The following LHX2 variants were observed in gnomAD, a reference collection of about 807,000 sequenced individuals.
The protein encoded by LHX2 is LIM/homeobox protein Lhx2.
In LHX2, 6 loss-of-function variants were observed where a neutral mutation model predicts 33.0. The ratio of observed to expected loss-of-function variants is 0.18; its 90% CI spans 0.10 to 0.36. LHX2 has a LOEUF of 0.36. Among genes scored for constraint, LHX2 ranks in the 10% least tolerant of loss-of-function variants. The probability of loss-of-function intolerance (pLI) is 1.00; values close to 1 mark genes in which losing one functional copy is unlikely to be tolerated. For synonymous variants in LHX2, 292 were observed against 253.1 expected, an observed-to-expected ratio of 1.15 and a Z score of -1.46; for missense variants, 442 against 586.2, an observed-to-expected ratio of 0.75 and a Z score of 2.54.
In LHX2 at chr9:124,032,602, C is replaced by A; in HGVS notation, c.1116C>A (p.Ser372Arg). 6.2e-7 allele frequency: 1 copy of A among 1,614,178 alleles called. No homozygotes were observed. The highest frequency in any genetic ancestry group is 8.5e-7 in the Non-Finnish European group (1 of 1,180,024). Residue 372 changes from serine (S) to arginine (R), a missense_variant, in exon 5 of 5, where the codon AGC becomes AGA. Ser to Arg is a moderately radical substitution (Grantham distance 110, BLOSUM62 -1). This residue lies in a region of LHX2 where 109 missense variants were observed against 98.7 expected (regional missense o/e 1.10). Coordinates refer to ENST00000373615, the MANE Select transcript of LHX2 (RefSeq NM_004789.4). The surrounding 1 kb of genome is among the most constrained non-coding windows in gnomAD (Gnocchi z 4.1). Reference sequence around the variant, plus strand: ...CCACCACCCTGACAGACTTGACTAGCCCCACCCTGCCAACTGTGACGTCCG... The same window carrying A: ...CCACCACCCTGACAGACTTGACTAGACCCACCCTGCCAACTGTGACGTCCG... ...STPTTLTDLT[S>R]PTLPTVTSVL... is the part of the protein sequence containing the mutation.
Position 124,015,391 on chromosome 9 carries a change from G to A in LHX2, c.593G>A (p.Ser198Asn). 1 of 1,609,036 alleles carries A rather than the reference G, an allele frequency of 6.2e-7. No homozygotes were observed. The highest frequency in any genetic ancestry group is 8.5e-7 in the Non-Finnish European group (1 of 1,177,326). Residue 198 changes from serine to asparagine, a missense_variant, in exon 3 of 5, where the codon AGC (serine) becomes AAC (asparagine). This residue lies in a region of LHX2 where 132 missense variants were observed against 139.1 expected (regional missense o/e 0.95). Transcript: ENST00000373615. This position sits in a 1 kb window ranked among gnomAD's most constrained non-coding sequence, Gnocchi z 7.9. ...GCCGCTGCAGCCGCGGCGGCCAAGA[G>A]CGCGGGGCTGGGCGCAGCAGGGGCC... is the stretch of plus-strand genomic sequence containing the variant. ...AAAAAAAAAK[S>N]AGLGAAGANP...
chr9:124,016,034 C>A lies in LHX2; in HGVS notation c.727+509C>A, dbSNP rs1160422153. 6.6e-6 allele frequency among the ~76,000 whole-genome samples: 1 copy of A among 151,208 alleles called. No homozygotes were observed. The highest frequency in any genetic ancestry group is 1.9e-4 in the East Asian group (1 of 5,192). ...CCAAGGGCGGCAGGCTTGGGGAACT[C>A]GGGCTTGGGGAACTCAGGAAAGCAA... On this transcript the variant is annotated intron_variant, in intron 3 of 4. Transcript: ENST00000373615. The surrounding 1 kb of genome is among the most constrained non-coding windows in gnomAD (Gnocchi z 4.4).
At position 124,012,789 on chromosome 9, in the gene LHX2, G is replaced by T. The variant is rs1304328666; in HGVS notation, c.120+321G>T. ...GCCCGGTGCCGGGGTCGACAGCCCCGCGCTCTCCTCCACCTCTCGGCTCCG... is the reference window on the plus strand; with the variant it reads ...GCCCGGTGCCGGGGTCGACAGCCCCTCGCTCTCCTCCACCTCTCGGCTCCG... On this transcript the variant is annotated intron_variant, in intron 1 of 4. Transcript: ENST00000373615. This position sits in a 1 kb window ranked among gnomAD's most constrained non-coding sequence, Gnocchi z 4.3. 6.6e-6 allele frequency among the ~76,000 whole-genome samples: 1 copy of T among 152,204 alleles called. No individual in the cohort carries two copies. The highest frequency in any genetic ancestry group is 2.4e-5 in the African/African-American group (1 of 41,450).
chr9:124,027,902 G>GTTTTT (rs5900598), intron 4 of LHX2, among the ~76,000 whole-genome samples: 1 of 151,446 alleles, frequency 6.6e-6, no homozygotes, highest in East Asian at 1.9e-4. Context: ...AGAAGGCATA[G>GTTTTT]TTTTTTTTTA....
intron 3 of LHX2, among the ~76,000 whole-genome samples, chr9:124,017,096 G>A (rs140596964): frequency 6.6e-6 from 1 of 152,178 alleles, no homozygotes; most frequent in Admixed American, 6.5e-5. Flanking sequence ...GCCGCCGTTT[G>A]CCCCAGCGAG....
chr9:124,028,089 A>G (rs1219285971), intron 4 of LHX2, among the ~76,000 whole-genome samples: 1 of 152,208 alleles, frequency 6.6e-6, no homozygotes, highest in Non-Finnish European at 1.5e-5. Context: ...TGATTTCCTT[A>G]GCATCCCAGG....
At position 124,021,255 on chromosome 9, in the gene LHX2, A is replaced by G; in HGVS notation, c.884A>G (p.Asp295Gly). 6.2e-7 allele frequency: 1 copy of G among 1,614,076 alleles called. No homozygotes were observed. ...FAINHNPDAK[D>G]LKQLAQKTGL... Reference sequence around the variant, plus strand: ...ATTAACCACAACCCCGACGCCAAGGACTTGAAGCAGCTCGCGCAAAAGACG... The same window carrying G: ...ATTAACCACAACCCCGACGCCAAGGGCTTGAAGCAGCTCGCGCAAAAGACG... The change falls in exon 4 of 5, where the codon GAC becomes GGC. Residue 295 changes from aspartate (D) to glycine (G), a missense_variant. By Grantham distance (94) the Asp-to-Gly change is moderately conservative (BLOSUM62 -1). Transcript: ENST00000373615.
At chr9:124,013,904 C>T in intron 1 of LHX2, 57 bp from the exon 2 acceptor site, 2 of 1,548,966 alleles carry the variant, frequency 1.3e-6, no homozygotes, top group Non-Finnish European at 1.8e-6. Context: ...TTCCCGGCGG[C>T]GGAGGGGCCG....
rs376893872 is a variant in LHX2 at position 124,015,497 on chromosome 9, C to G, written c.699C>G (p.Pro233=). 128 of 1,472,836 alleles carry G rather than the reference C, an allele frequency of 8.7e-5. No individual in the cohort carries two copies. The highest frequency in any genetic ancestry group is 5.2e-4 in the East Asian group (21 of 40,698). 91.2% of individuals were successfully genotyped at this position (1,472,836 alleles called of 1,614,324 possible). ...CGAGGAAACGTAAGAGCCCGGGCCCCGGTGCGGATCTGGCGGCCTACAACG... is the reference window on the plus strand; with the variant it reads ...CGAGGAAACGTAAGAGCCCGGGCCCGGGTGCGGATCTGGCGGCCTACAACG... ...GRPRKRKSPG[P]GADLAAYNAA... Residue 233 remains proline, a synonymous_variant, in exon 3 of 5, where the codon CCC becomes CCG. Coordinates refer to ENST00000373615, the MANE Select transcript of LHX2 (RefSeq NM_004789.4). The surrounding 1 kb of genome is among the most constrained non-coding windows in gnomAD (Gnocchi z 7.9).
At chr9:124,019,225 A>T (rs950305076) in intron 3 of LHX2, among the ~76,000 whole-genome samples, 1 of 152,148 alleles carries the variant, frequency 6.6e-6, no homozygotes, top group African/African-American at 2.4e-5. Flanking sequence ...CGGTGGAAAG[A>T]GGCCCCTAGG....
chr9:124,022,080 G>A (rs2118765951), intron 4 of LHX2, among the ~76,000 whole-genome samples: 2 of 152,310 alleles, frequency 1.3e-5, no homozygotes, highest in East Asian at 1.9e-4. Flanking sequence ...CTAGTCTGGA[G>A]GCACAGAAGC....
rs754466751 is a variant in LHX2, at chr9:124,015,498, G to T, written c.700G>T (p.Gly234Cys). ...RPRKRKSPGP[G>C]ADLAAYNAAL... ...GAGGAAACGTAAGAGCCCGGGCCCC[G>T]GTGCGGATCTGGCGGCCTACAACGC... The change falls in exon 3 of 5, where the codon GGT (glycine) becomes TGT (cysteine). Residue 234 changes from glycine (G) to cysteine (C), a missense_variant. By Grantham distance (159) the Gly-to-Cys change is radical. Around this residue, in one of 5 missense-constraint regions of LHX2, gnomAD observed 132 missense variants for 139.1 expected, o/e 0.95. Transcript: ENST00000373615. The surrounding 1 kb of genome is among the most constrained non-coding windows in gnomAD (Gnocchi z 7.9). 2.7e-5 allele frequency: 40 copies of T among 1,473,134 alleles called. No individual in the cohort carries two copies. Among genetic ancestry groups the T allele is most frequent in the Non-Finnish European group, 3.3e-5 (37 of 1,112,290 alleles). The allele number at this position is 1,473,134 out of a possible 1,614,324, so 91.3% of individuals were successfully genotyped here.
chr9:124,016,531 G>A lies in LHX2; in HGVS notation c.727+1006G>A, dbSNP rs951944061. Among the ~76,000 whole-genome samples the A allele has an allele frequency of 6.6e-6, 1 of 152,226 alleles. No individual in the cohort carries two copies. The highest frequency in any genetic ancestry group is 2.4e-5 in the African/African-American group (1 of 41,516). On this transcript the variant is annotated intron_variant, in intron 3 of 4. Transcript: ENST00000373615. The surrounding 1 kb of genome is among the most constrained non-coding windows in gnomAD (Gnocchi z 4.4). ...TTCTTCCTTTTCCCTTTAGTCTAAT[G>A]CACAAGCAGAAAAAAGCAAAAACAA...
rs144930418 is a variant in LHX2 at position 124,014,414 on chromosome 9, C to G, written c.323+251C>G. Among the ~76,000 whole-genome samples the G allele has an allele frequency of 1.7e-3, 261 of 152,232 alleles. 1 individual carries two copies. The highest frequency in any genetic ancestry group is 3.3e-3 in the Non-Finnish European group (227 of 68,018). Reference sequence around the variant, plus strand: ...AAAAAGCAGAAGCTGCCCTCCTGCTCGGAGCTTAGACCACAAAAAAGCTTG... The same window carrying G: ...AAAAAGCAGAAGCTGCCCTCCTGCTGGGAGCTTAGACCACAAAAAAGCTTG... On this transcript the variant is annotated intron_variant, in intron 2 of 4. Coordinates refer to ENST00000373615, the MANE Select transcript of LHX2 (RefSeq NM_004789.4). The surrounding 1 kb of genome is among the most constrained non-coding windows in gnomAD (Gnocchi z 4.8).
At position 124,014,184 on chromosome 9, in the gene LHX2, C is replaced by A. The variant is rs777016509; in HGVS notation, c.323+21C>A. On this transcript the variant is annotated intron_variant, in intron 2 of 4. Transcript: ENST00000373615. The surrounding 1 kb of genome is among the most constrained non-coding windows in gnomAD (Gnocchi z 4.8). ...TACAGGTAGCCCCCCCACCCAACTGCCCCTCAGGACCCCTCCCCCCAATCT... is the reference window on the plus strand; with the variant it reads ...TACAGGTAGCCCCCCCACCCAACTGACCCTCAGGACCCCTCCCCCCAATCT... 5 of 1,369,054 alleles carry A rather than the reference C, an allele frequency of 3.7e-6. No homozygotes were observed. The East Asian group carries it at 9.3e-5, about 25-fold the overall frequency. The allele number at this position is 1,369,054 out of a possible 1,614,324, so 84.8% of individuals were successfully genotyped here.
intron 4 of LHX2, among the ~76,000 whole-genome samples, chr9:124,029,113 A>G (rs1828673514): frequency 6.6e-6 from 1 of 151,054 alleles, no homozygotes; most frequent in Non-Finnish European, 1.5e-5. Context: ...CTCTGTCTCA[A>G]AAAATAATAA....
At chr9:124,028,377 A>C (rs1828659623) in intron 4 of LHX2, among the ~76,000 whole-genome samples, 1 of 152,136 alleles carries the variant, frequency 6.6e-6, no homozygotes, top group African/African-American at 2.4e-5. Flanking sequence ...AGTCCAGAGA[A>C]CTTGAGGCAT....
chr9:124,021,057 G>T, intron 3 of LHX2, 42 bp from the exon 4 acceptor site: 1 of 1,577,756 alleles, frequency 6.3e-7, no homozygotes, highest in Non-Finnish European at 8.7e-7. Context: ...CATGGGGGGC[G>T]GGTCAGGAAG....
chr9:124,019,083 G>T (rs1859247363), intron 3 of LHX2, among the ~76,000 whole-genome samples: 1 of 152,228 alleles, frequency 6.6e-6, no homozygotes, highest in African/African-American at 2.4e-5. Context: ...CACCTCAGCG[G>T]GTTCCAAGCA....
Sources: gnomAD v4.1 joint callset for allele counts (sites outside exome capture counted in the v4.1 genomes callset) on GRCh38, gnomAD v4.1.1 for gene constraint, gnomAD v4.1.1 regional missense constraint, Gnocchi (gnomAD v3.1) non-coding constraint, MANE v1.5 for transcripts, NCBI Gene and HGNC (gene_info 2026-07-23, HGNC 2026-07-21) for gene names.